Variants in MECOM observed in about 807,000 individuals in gnomAD.
The protein encoded by MECOM is histone-lysine N-methyltransferase MECOM.
In MECOM, 13 loss-of-function variants were observed where a neutral mutation model predicts 116.3. The observed-to-expected ratio is 0.11, with a 90% CI of 0.07 to 0.18. The LOEUF (loss-of-function observed/expected upper bound fraction) is 0.18, where lower values mean the gene tolerates loss of function less well. Among genes scored for constraint, MECOM ranks in the 10% least tolerant of loss-of-function variants. The pLI is 1.00. For missense variants in MECOM, 1,299 were observed against 1,509.0 expected, an observed-to-expected ratio of 0.86 and a Z score of 2.31; for synonymous variants, 528 against 535.2, an observed-to-expected ratio of 0.99 and a Z score of 0.19.
chr3:169,173,772 C>T (rs947082046), intron 2 of MECOM, among the ~76,000 whole-genome samples: 1 of 152,162 alleles, frequency 6.6e-6, no homozygotes, highest in African/African-American at 2.4e-5. Context: ...CACGTTAATT[C>T]CCTGCTTAAA....
At chr3:169,464,618 G>A (rs1262113550) in intron 1 of MECOM, among the ~76,000 whole-genome samples, 2 of 152,120 alleles carry the variant, frequency 1.3e-5, no homozygotes, top group African/African-American at 4.8e-5. Flanking sequence ...AAGTTCTTCA[G>A]GAAACTGATG....
intron 2 of MECOM, among the ~76,000 whole-genome samples, chr3:169,244,181 G>C (rs993577387): frequency 1.3e-5 from 2 of 152,178 alleles, no homozygotes; most frequent in African/African-American, 4.8e-5. Flanking sequence ...CCATGAGCTT[G>C]CATTAAAATC....
chr3:169,538,124 G>A (rs1303354372), intron 1 of MECOM, among the ~76,000 whole-genome samples: 1 of 152,198 alleles, frequency 6.6e-6, no homozygotes, highest in Admixed American at 6.5e-5. Context: ...AGTGCTGGAA[G>A]CCATTATTCT....
intron 2 of MECOM, among the ~76,000 whole-genome samples, chr3:169,257,848 A>G (rs1757036560): frequency 2.0e-5 from 3 of 152,158 alleles, no homozygotes; most frequent in African/African-American, 7.2e-5. Context: ...CTATATATTA[A>G]CTATTGATAG....
intron 2 of MECOM, among the ~76,000 whole-genome samples, chr3:169,177,779 A>G (rs1187636354): frequency 7.2e-5 from 11 of 151,798 alleles, no homozygotes; most frequent in Non-Finnish European, 5.9e-5. Flanking sequence ...ATAGCTGGGC[A>G]TGTTGGCATG....
intron 1 of MECOM, among the ~76,000 whole-genome samples, chr3:169,584,269 T>C (rs1473260247): frequency 6.6e-6 from 1 of 152,138 alleles, no homozygotes; most frequent in Admixed American, 6.6e-5. Flanking sequence ...TGAAGTTTAA[T>C]AAAGACAGAA....
At chr3:169,365,478 C>T (rs1729013626) in intron 2 of MECOM, among the ~76,000 whole-genome samples, 1 of 152,026 alleles carries the variant, frequency 6.6e-6, no homozygotes, top group Non-Finnish European at 1.5e-5. Context: ...CACCTCCTTT[C>T]CCCAAGTATG....
chr3:169,334,701 T>TAA (rs1723313532), intron 2 of MECOM, among the ~76,000 whole-genome samples: 1 of 152,186 alleles, frequency 6.6e-6, no homozygotes, highest in Non-Finnish European at 1.5e-5. Flanking sequence ...TTTGTTGAAT[T>TAA]AATCAGGAAA....
At chr3:169,101,217 T>A (rs770304130) in intron 11 of MECOM, among the ~76,000 whole-genome samples, 2 of 152,248 alleles carry the variant, frequency 1.3e-5, no homozygotes, top group Non-Finnish European at 2.9e-5. Context: ...AGACTTTAGT[T>A]TTGATTACTC....
In MECOM at chr3:169,116,224, A is replaced by T; in HGVS notation, c.1648T>A (p.Ser550Thr). 2 of 1,614,100 alleles carry T rather than the reference A, an allele frequency of 1.2e-6. No homozygotes were observed. The highest frequency in any genetic ancestry group is 2.2e-5 in the South Asian group (2 of 91,074). The change falls in exon 8 of 17, where the codon TCT becomes ACT. Residue 550 changes from serine to threonine, a missense_variant. Coordinates refer to ENST00000651503, the MANE Select transcript of MECOM (RefSeq NM_004991.4). ...DILKALSKHP[S>T]VGDNKPVELQ... ...TCCACTGGCTTATTGTCCCCTACAG[A>T]TGGGTGTTTAGATAGTGCCTTCAAA...
intron 2 of MECOM, among the ~76,000 whole-genome samples, chr3:169,297,462 G>A (rs1715828857): frequency 6.6e-6 from 1 of 151,996 alleles, no homozygotes; most frequent in African/African-American, 2.4e-5. Context: ...CACGTCAGAG[G>A]AAATCTTTGC....
chr3:169,389,237 C>T (rs541031114), intron 1 of MECOM, among the ~76,000 whole-genome samples: 8 of 152,272 alleles, frequency 5.3e-5, no homozygotes, highest in African/African-American at 1.7e-4. Flanking sequence ...AAGCTTTTGT[C>T]AAAAGGTAAT....
At chr3:169,284,254 A>G (rs554360836) in intron 2 of MECOM, among the ~76,000 whole-genome samples, 3 of 151,242 alleles carry the variant, frequency 2.0e-5, no homozygotes, top group Admixed American at 2.0e-4. Context: ...AGATACTGCC[A>G]TCTGGCATGT....
chr3:169,428,157 G>A (rs769706630), intron 1 of MECOM, among the ~76,000 whole-genome samples: 7 of 152,274 alleles, frequency 4.6e-5, no homozygotes, highest in Non-Finnish European at 7.4e-5. Context: ...TCCAGCCTAG[G>A]CAACACAGCG....
Position 169,573,317 on chromosome 3 carries a change from A to C in MECOM, c.37+90019T>G, listed in dbSNP as rs543255114. ...AGAAACATCTAAGCATACAAACAAAAAATTTTGTAAATGTACACAAAGCCC... is the reference window on the plus strand; with the variant it reads ...AGAAACATCTAAGCATACAAACAAACAATTTTGTAAATGTACACAAAGCCC... On this transcript the variant is annotated intron_variant, in intron 1 of 16. Coordinates refer to ENST00000651503, the MANE Select transcript of MECOM (RefSeq NM_004991.4). 4.6e-5 allele frequency among the ~76,000 whole-genome samples: 7 copies of C among 152,378 alleles called. No individual in the cohort carries two copies. The East Asian group carries it at 1.3e-3, about 29-fold the overall frequency.
At chr3:169,439,634 T>C (rs960536665) in intron 1 of MECOM, among the ~76,000 whole-genome samples, 6 of 152,132 alleles carry the variant, frequency 3.9e-5, no homozygotes, top group Admixed American at 6.5e-5. Context: ...CTCTTGCACA[T>C]TGCTGATGTG....
intron 1 of MECOM, among the ~76,000 whole-genome samples, chr3:169,470,646 T>A (rs1343962748): frequency 6.6e-6 from 1 of 152,132 alleles, no homozygotes; most frequent in East Asian, 1.9e-4. Context: ...GAGAGAGAAA[T>A]TCTGAGGCAT....
intron 2 of MECOM, among the ~76,000 whole-genome samples, chr3:169,372,409 A>G (rs1369124110): frequency 6.6e-6 from 1 of 152,052 alleles, no homozygotes; most frequent in East Asian, 1.9e-4. Flanking sequence ...GGCTTATCTC[A>G]GAGTATTACA....
Position 169,663,376 on chromosome 3 carries a change from G to A in MECOM, c.-4C>T. ...TTGCCCTGCCTTTGGATCTCATGCT[G>A]TGCCCAGTCCTGCAGCCGCTGGTGT... is the stretch of plus-strand genomic sequence containing the variant. On this transcript the variant is annotated 5_prime_UTR_variant, in exon 1 of 17. Coordinates refer to ENST00000651503, the MANE Select transcript of MECOM (RefSeq NM_004991.4). The A allele has an allele frequency of 1.9e-6, 3 of 1,610,264 alleles. No individual in the cohort carries two copies. The Admixed American group carries it at 5.0e-5, about 27-fold the overall frequency.
Sources: gnomAD v4.1 joint callset for allele counts (sites outside exome capture counted in the v4.1 genomes callset) on GRCh38, gnomAD v4.1.1 for gene constraint, MANE v1.5 for transcripts, NCBI Gene and HGNC (gene_info 2026-07-23, HGNC 2026-07-21) for gene names.